CSMD1: variants seen among roughly 807,000 people sequenced by gnomAD.
The protein encoded by CSMD1 is CUB and sushi domain-containing protein 1.
Under a neutral mutation model 417.5 loss-of-function variants are expected in CSMD1, and 213 were observed. That is an observed-to-expected ratio of 0.51 (90% CI 0.46 to 0.57). The LOEUF is 0.57. Among genes scored for constraint, CSMD1 ranks in the 20% least tolerant of loss-of-function variants. CSMD1 has a pLI of 0.00. For synonymous variants in CSMD1, 2,862 were observed against 1,736.8 expected (o/e 1.65, Z -16.11); for missense variants, 6,923 against 4,529.7 (o/e 1.53, Z -15.17).
At chr8:3,763,692 TAA>T (rs1398978675) in intron 5 of CSMD1, among the ~76,000 whole-genome samples, 1 of 152,178 alleles carries the variant, frequency 6.6e-6, no homozygotes, top group East Asian at 1.9e-4. Flanking sequence ...CCTTTGTGGC[TAA>T]ACAGTGTCAT....
chr8:3,834,533 G>A lies in CSMD1; in HGVS notation c.819-80491C>T, dbSNP rs189932908. On this transcript the variant is annotated intron_variant, in intron 5 of 69. Coordinates refer to ENST00000635120, the MANE Select transcript of CSMD1 (RefSeq NM_033225.6). ...AAACGGGGTAGAAGCTGCACTGTGC[G>A]TCTCTTCCAAAACTGGCTGATTTAA... Among the ~76,000 whole-genome samples the A allele has an allele frequency of 2.1e-3, 320 of 152,264 alleles. 1 individual carries two copies. Among genetic ancestry groups the A allele is most frequent in the African/African-American group, 6.2e-3 (257 of 41,550 alleles).
chr8:4,827,726 T>C (rs1278331528), intron 1 of CSMD1, among the ~76,000 whole-genome samples: 2 of 152,190 alleles, frequency 1.3e-5, no homozygotes, highest in African/African-American at 4.8e-5. Context: ...CTAAAAAGAA[T>C]GTGTTTTACT....
chr8:3,756,106 C>T (rs1797641181), intron 5 of CSMD1, among the ~76,000 whole-genome samples: 1 of 151,990 alleles, frequency 6.6e-6, no homozygotes, highest in South Asian at 2.1e-4. Flanking sequence ...CCTCTAATCC[C>T]AGCATTTTGG....
chr8:4,885,318 C>G (rs940931395), intron 1 of CSMD1, among the ~76,000 whole-genome samples: 1 of 151,814 alleles, frequency 6.6e-6, no homozygotes, highest in African/African-American at 2.4e-5. Flanking sequence ...TTCTGGATGC[C>G]TTGTCTTTCA....
intron 2 of CSMD1, among the ~76,000 whole-genome samples, chr8:4,591,498 T>C (rs754245934): frequency 2.0e-5 from 3 of 152,174 alleles, no homozygotes; most frequent in South Asian, 2.1e-4. Flanking sequence ...GCATGGTAGG[T>C]CCAGGGAAGT....
At chr8:4,643,541 T>TATAAA (rs1803336200) in intron 1 of CSMD1, among the ~76,000 whole-genome samples, 1 of 152,068 alleles carries the variant, frequency 6.6e-6, no homozygotes, top group Non-Finnish European at 1.5e-5. Flanking sequence ...AATAAAATAA[T>TATAAA]ATAAAATAAA....
chr8:4,453,090 A>G (rs1339299299), intron 2 of CSMD1, among the ~76,000 whole-genome samples: 1 of 152,108 alleles, frequency 6.6e-6, no homozygotes, highest in Non-Finnish European at 1.5e-5. Context: ...TCCTGGGGCT[A>G]TAGACAGGGA....
intron 4 of CSMD1, among the ~76,000 whole-genome samples, chr8:4,003,129 G>C (rs191077129): frequency 1.5e-4 from 23 of 152,236 alleles, no homozygotes; most frequent in African/African-American, 5.5e-4. Context: ...CGCGGTGGCT[G>C]ATGCCTGTAG....
intron 26 of CSMD1, among the ~76,000 whole-genome samples, chr8:3,272,991 G>T (rs1801982156): frequency 6.6e-6 from 1 of 150,896 alleles, no homozygotes; most frequent in Non-Finnish European, 1.5e-5. Flanking sequence ...GGTGAGAGAG[G>T]GCATCCCTGT....
intron 5 of CSMD1, among the ~76,000 whole-genome samples, chr8:3,785,524 G>A (rs76026475): frequency 0.26 from 39,949 of 152,232 alleles, 5,715 homozygotes; most frequent in Admixed American, 0.32. Context: ...ACACCTAGGT[G>A]TACTTCCACA....
intron 33 of CSMD1, among the ~76,000 whole-genome samples, chr8:3,194,912 G>C (rs1439506505): frequency 6.6e-6 from 1 of 152,120 alleles, no homozygotes; most frequent in Non-Finnish European, 1.5e-5. Flanking sequence ...CCAGGTTAGA[G>C]ATGGTGACCC....
At chr8:3,434,532 T>A (rs569957797) in intron 12 of CSMD1, among the ~76,000 whole-genome samples, 147 of 152,330 alleles carry the variant, frequency 9.7e-4, no homozygotes, top group African/African-American at 3.3e-3. Flanking sequence ...CTGCCTTGAT[T>A]ATGAAGTACA....
intron 1 of CSMD1, among the ~76,000 whole-genome samples, chr8:4,681,188 G>A (rs1368022416): frequency 2.0e-5 from 3 of 152,048 alleles, no homozygotes; most frequent in Non-Finnish European, 4.4e-5. Context: ...TCTATTTTTG[G>A]CAATTGCATT....
At chr8:3,529,966 T>C (rs1001972525) in intron 10 of CSMD1, among the ~76,000 whole-genome samples, 2 of 152,152 alleles carry the variant, frequency 1.3e-5, no homozygotes, top group African/African-American at 4.8e-5. Context: ...GCCCACGAAA[T>C]GATGTGCCAT....
chr8:3,759,521 T>G (rs1797868958), intron 5 of CSMD1, among the ~76,000 whole-genome samples: 1 of 152,026 alleles, frequency 6.6e-6, no homozygotes, highest in South Asian at 2.1e-4. Flanking sequence ...ACAAATAGTT[T>G]GGAAAATGAA....
chr8:3,954,415 T>C (rs932642821), intron 5 of CSMD1, among the ~76,000 whole-genome samples: 2 of 152,058 alleles, frequency 1.3e-5, no homozygotes, highest in South Asian at 2.1e-4. Context: ...CAGGCTGGAG[T>C]GCAGTGGCGG....
At chr8:4,044,503 G>C (rs891980019) in intron 3 of CSMD1, among the ~76,000 whole-genome samples, 2 of 152,188 alleles carry the variant, frequency 1.3e-5, no homozygotes, top group African/African-American at 2.4e-5. Context: ...CCCCTCCAGA[G>C]GGAGGAAGGA....
chr8:3,540,280 GCAAA>G (rs1244203535), intron 10 of CSMD1, among the ~76,000 whole-genome samples: 1 of 152,100 alleles, frequency 6.6e-6, no homozygotes, highest in African/African-American at 2.4e-5. Flanking sequence ...TCCTCATTTG[GCAAA>G]CAGAGTTGAA....
At chr8:4,551,100 G>C (rs184594036) in intron 2 of CSMD1, among the ~76,000 whole-genome samples, 6 of 152,244 alleles carry the variant, frequency 3.9e-5, no homozygotes, top group Admixed American at 2.0e-4. Context: ...ATAAAATGTG[G>C]TTATAATTAC....
Sources: allele counts gnomAD v4.1 joint callset (sites outside exome capture counted in the v4.1 genomes callset), GRCh38; gene constraint gnomAD v4.1.1; transcripts MANE v1.5; gene names NCBI Gene and HGNC (gene_info 2026-07-23, HGNC 2026-07-21).